Variants in HS6ST3 observed in about 807,000 individuals in gnomAD.
The protein encoded by HS6ST3 is heparan-sulfate 6-O-sulfotransferase 3.
Under a neutral mutation model 36.7 loss-of-function variants are expected in HS6ST3, and 12 were observed. The ratio of observed to expected loss-of-function variants is 0.33; its 90% CI spans 0.21 to 0.53. The LOEUF (loss-of-function observed/expected upper bound fraction) is 0.53. HS6ST3 is among the 20% of genes least tolerant of loss of function. The probability of loss-of-function intolerance (pLI) is 0.95; values close to 1 mark genes in which losing one functional copy is unlikely to be tolerated. For missense variants in HS6ST3, 584 were observed against 640.9 expected, an observed-to-expected ratio of 0.91 and a Z score of 0.96; for synonymous variants, 240 against 257.5, an observed-to-expected ratio of 0.93 and a Z score of 0.65.
intron 1 of HS6ST3, among the ~76,000 whole-genome samples, chr13:96,465,511 A>T (rs545529804): frequency 6.6e-6 from 1 of 152,326 alleles, no homozygotes; most frequent in East Asian, 1.9e-4. Context: ...ATACGGTTTC[A>T]TTTACATAAA....
intron 1 of HS6ST3, among the ~76,000 whole-genome samples, chr13:96,497,986 C>T (rs1447569295): frequency 2.6e-5 from 4 of 152,100 alleles, no homozygotes. Context: ...CCCCACCATG[C>T]AATGGAATAC....
rs141786288 is a variant in HS6ST3 at position 96,622,245 on chromosome 13, A to G, written c.708-210245A>G. On this transcript the variant is annotated intron_variant, in intron 1 of 1. Transcript: ENST00000376705. ...AAAAAAACAAAGTTTTTGATAGGTT[A>G]TGATTTTAGACAACAAAGTATCTTG... is the stretch of plus-strand genomic sequence containing the variant. Among the ~76,000 whole-genome samples, 23 of 152,098 alleles carry G rather than the reference A, an allele frequency of 1.5e-4. No homozygotes were observed. In the East Asian group the frequency reaches 4.3e-3, roughly 28 times the overall value.
chr13:96,613,084 A>T (rs2056461962), intron 1 of HS6ST3, among the ~76,000 whole-genome samples: 1 of 152,114 alleles, frequency 6.6e-6, no homozygotes, highest in African/African-American at 2.4e-5. Flanking sequence ...AACTGCAATA[A>T]ATGATCTCCA....
chr13:96,690,274 A>G (rs1356627534), intron 1 of HS6ST3, among the ~76,000 whole-genome samples: 1 of 152,160 alleles, frequency 6.6e-6, no homozygotes, highest in Non-Finnish European at 1.5e-5. Flanking sequence ...CAAAAATACT[A>G]GAACATTTGG....
chr13:96,602,796 A>G (rs1184054904), intron 1 of HS6ST3, among the ~76,000 whole-genome samples: 4 of 152,062 alleles, frequency 2.6e-5, no homozygotes, highest in African/African-American at 9.7e-5. Flanking sequence ...CTGTTGCTGT[A>G]TTTTACTGTA....
intron 1 of HS6ST3, among the ~76,000 whole-genome samples, chr13:96,809,325 G>A (rs1878266528): frequency 6.6e-6 from 1 of 152,196 alleles, no homozygotes; most frequent in African/African-American, 2.4e-5. Context: ...TAGGAATTTA[G>A]AAAGACAAGT....
rs139446357 is a variant in HS6ST3, at chr13:96,762,227, C to G, written c.708-70263C>G. On this transcript the variant is annotated intron_variant, in intron 1 of 1. Coordinates refer to ENST00000376705, the MANE Select transcript of HS6ST3 (RefSeq NM_153456.4). ...GCATGGTGGCTCATGCCTGTAATCC[C>G]AGCATTTTGGGATGCCAAGGCAGGC... 5.1e-3 allele frequency among the ~76,000 whole-genome samples: 774 copies of G among 152,284 alleles called. 4 individuals are homozygous for G. The highest frequency in any genetic ancestry group is 0.018 in the African/African-American group (728 of 41,554).
intron 1 of HS6ST3, among the ~76,000 whole-genome samples, chr13:96,234,662 C>G (rs994108691): frequency 1.3e-5 from 2 of 151,974 alleles, no homozygotes; most frequent in Non-Finnish European, 2.9e-5. Context: ...ATGAGAAGAG[C>G]CTGGGAAAGA....
intron 1 of HS6ST3, among the ~76,000 whole-genome samples, chr13:96,163,222 ATTTTTTTTTTTTTTT>A (rs147731415): frequency 2.5e-5 from 2 of 79,058 alleles, no homozygotes; most frequent in East Asian, 7.4e-4. Context: ...TCTGAGATAC[ATTTTTTTTTTTTTTT>A]TTTTTTTTTT....
chr13:96,360,313 C>CA (rs10712847), intron 1 of HS6ST3, among the ~76,000 whole-genome samples: 1 of 151,308 alleles, frequency 6.6e-6, no homozygotes, highest in African/African-American at 2.4e-5. Flanking sequence ...GAGCTACTGA[C>CA]AAAAAAAAAT....
At chr13:96,133,643 G>A (rs1200795700) in intron 1 of HS6ST3, among the ~76,000 whole-genome samples, 1 of 151,818 alleles carries the variant, frequency 6.6e-6, no homozygotes, top group Admixed American at 6.6e-5. Context: ...GGCTGGACTC[G>A]AACTCCTGAC....
intron 1 of HS6ST3, among the ~76,000 whole-genome samples, chr13:96,777,050 T>C (rs527885631): frequency 7.9e-5 from 12 of 152,338 alleles, no homozygotes; most frequent in African/African-American, 2.9e-4. Flanking sequence ...TGCAAATCAA[T>C]AAATGTAATC....
At chr13:96,164,450 G>A (rs1412419238) in intron 1 of HS6ST3, among the ~76,000 whole-genome samples, 1 of 151,614 alleles carries the variant, frequency 6.6e-6, no homozygotes, top group Non-Finnish European at 1.5e-5. Flanking sequence ...CTAGCTACTC[G>A]GGAGGCTGAC....
At chr13:96,420,109 G>A (rs1444644151) in intron 1 of HS6ST3, among the ~76,000 whole-genome samples, 2 of 152,168 alleles carry the variant, frequency 1.3e-5, no homozygotes, top group South Asian at 2.1e-4. Context: ...CCTGCTGCAG[G>A]TTTTCCTTAA....
intron 1 of HS6ST3, among the ~76,000 whole-genome samples, chr13:96,570,789 C>T (rs1341257014): frequency 2.0e-5 from 3 of 152,114 alleles, no homozygotes; most frequent in Non-Finnish European, 4.4e-5. Context: ...TAATCTAATG[C>T]GTGAACTAGC....
intron 1 of HS6ST3, among the ~76,000 whole-genome samples, chr13:96,776,642 G>C (rs751717879): frequency 6.6e-6 from 1 of 152,096 alleles, no homozygotes; most frequent in Non-Finnish European, 1.5e-5. Context: ...ACTAAACCAG[G>C]AAGAAGTCGA....
At chr13:96,600,359 CATAT>C in intron 1 of HS6ST3, among the ~76,000 whole-genome samples, 1 of 120,316 alleles carries the variant, frequency 8.3e-6, no homozygotes, top group African/African-American at 2.9e-5. Flanking sequence ...CACACACACA[CATAT>C]ATATATATAT....
chr13:96,175,144 T>A (rs528239684), intron 1 of HS6ST3, among the ~76,000 whole-genome samples: 1 of 152,308 alleles, frequency 6.6e-6, no homozygotes, highest in Admixed American at 6.5e-5. Context: ...TTGAAATCCT[T>A]TATGTAATTT....
At chr13:96,603,729 G>A (rs993351632) in intron 1 of HS6ST3, among the ~76,000 whole-genome samples, 10 of 152,156 alleles carry the variant, frequency 6.6e-5, no homozygotes, top group African/African-American at 9.7e-5. Context: ...TAATTTATAC[G>A]ATCATGTTAT....
Sources: gnomAD v4.1 joint callset for allele counts (sites outside exome capture counted in the v4.1 genomes callset) on GRCh38, gnomAD v4.1.1 for gene constraint, MANE v1.5 for transcripts, NCBI Gene and HGNC (gene_info 2026-07-23, HGNC 2026-07-21) for gene names.